Variants in MAB21L1 observed in about 807,000 individuals in gnomAD.
MAB21L1 encodes putative nucleotidyltransferase MAB21L1.
MAB21L1 carries 8 observed loss-of-function variants against 28.9 expected under a neutral mutation model. The observed-to-expected ratio is 0.28, with a 90% CI of 0.16 to 0.50. The LOEUF (loss-of-function observed/expected upper bound fraction) is 0.50. Among genes scored for constraint, MAB21L1 ranks in the 20% least tolerant of loss-of-function variants. The probability of loss-of-function intolerance (pLI) is 0.98; values close to 1 mark genes in which losing one functional copy is unlikely to be tolerated. For missense variants in MAB21L1, 388 were observed against 466.5 expected, an observed-to-expected ratio of 0.83 and a Z score of 1.55; for synonymous variants, 219 against 198.2, an observed-to-expected ratio of 1.10 and a Z score of -0.88.
chr13:35,475,940 C>T lies in MAB21L1; in HGVS notation c.199G>A (p.Glu67Lys). 1 of 1,614,146 alleles carries T rather than the reference C, an allele frequency of 6.2e-7. No homozygotes were observed. The highest frequency in any genetic ancestry group is 8.5e-7 in the Non-Finnish European group (1 of 1,180,040). The change falls in exon 1 of 1, where the codon GAG becomes AAG. Residue 67 changes from glutamate (E) to lysine (K), a missense_variant. Physicochemically the swap from Glu to Lys is moderately conservative, Grantham distance 56. Around this residue, in one of 3 missense-constraint regions of MAB21L1, gnomAD observed 89 missense variants for 92.2 expected, o/e 0.97. Transcript: ENST00000379919. ...NEMDNRYEGL[E>K]VISPTEFEVV... ...TCAAATTCGGTGGGGGAGATGACCT[C>T]GAGGCCCTCGTAGCGATTGTCCATC... is the stretch of plus-strand genomic sequence containing the variant.
At position 35,475,011 on chromosome 13, in the gene MAB21L1, A is replaced by G; in HGVS notation, c.*48T>C. 8.9e-6 allele frequency: 14 copies of G among 1,569,778 alleles called. No individual in the cohort carries two copies. Among genetic ancestry groups the G allele is most frequent in the Non-Finnish European group, 1.1e-5 (13 of 1,156,600 alleles). ...AATTGAACAGAAGTTTACACTTAAT[A>G]AGGACTTTGAGAAGGGTAATAATTT... On this transcript the variant is annotated 3_prime_UTR_variant, in exon 1 of 1. Coordinates refer to ENST00000379919, the MANE Select transcript of MAB21L1 (RefSeq NM_005584.5).
Position 35,475,202 on chromosome 13 carries a change from A to G in MAB21L1, c.937T>C (p.Cys313Arg). The G allele has an allele frequency of 6.2e-7, 1 of 1,614,068 alleles. No homozygotes were observed. Among genetic ancestry groups the G allele is most frequent in the Non-Finnish European group, 8.5e-7 (1 of 1,180,022 alleles). ...AGAAAGTAGTGGGGACACCGCCGGC[A>G]CTGCAGGCAGGAGATAAGTTGCAGC... ...ILLQLISCLQ[C>R]RRCPHYFLPN... Residue 313 changes from cysteine (C) to arginine (R), a missense_variant, in exon 1 of 1, where the codon TGC becomes CGC. This residue lies in a region of MAB21L1 where 218 missense variants were observed against 220.6 expected (regional missense o/e 0.99). Coordinates refer to ENST00000379919, the MANE Select transcript of MAB21L1 (RefSeq NM_005584.5).
rs1461011019 is a variant in MAB21L1 at position 35,476,303 on chromosome 13, CT to C, written c.-166del. The C allele has an allele frequency of 1.9e-6, 1 of 520,802 alleles. No individual in the cohort carries two copies. The highest frequency in any genetic ancestry group is 6.0e-5 in the East Asian group (1 of 16,548). The allele number at this position is 520,802 out of a possible 1,614,324, so 32.3% of individuals were successfully genotyped here. A position where few individuals can be genotyped will look rare whatever the true frequency, so the allele number is the denominator to read the frequency against. The stretch of plus-strand genomic sequence containing the variant: ...TGCTGCAGCGTTGGTTTCCCTGCTG[CT>C]GCTGCTGCTGCTGCTGCTGCTGCTG... On this transcript the variant is annotated 5_prime_UTR_variant, in exon 1 of 1. Coordinates refer to ENST00000379919, the MANE Select transcript of MAB21L1 (RefSeq NM_005584.5).
Position 35,475,052 on chromosome 13 carries a change from T to G in MAB21L1, c.*7A>C. On this transcript the variant is annotated 3_prime_UTR_variant, in exon 1 of 1. Coordinates refer to ENST00000379919, the MANE Select transcript of MAB21L1 (RefSeq NM_005584.5). Reference sequence around the variant, plus strand: ...GTAATAATTTCGGCTCTTGATTAAATCATCCTCTAAAGTTTTTCCAAACTT... The same window carrying G: ...GTAATAATTTCGGCTCTTGATTAAAGCATCCTCTAAAGTTTTTCCAAACTT... 6.2e-7 allele frequency: 1 copy of G among 1,608,034 alleles called. No individual in the cohort carries two copies. Among genetic ancestry groups the G allele is most frequent in the Non-Finnish European group, 8.5e-7 (1 of 1,176,266 alleles).
At position 35,476,318 on chromosome 13, in the gene MAB21L1, C is replaced by A. The variant is rs1454389469; in HGVS notation, c.-180G>T. 1.8e-6 allele frequency: 2 copies of A among 1,100,190 alleles called. No homozygotes were observed. Among genetic ancestry groups the A allele is most frequent in the African/African-American group, 3.8e-5 (2 of 52,402 alleles). 68.2% of individuals were successfully genotyped at this position (1,100,190 alleles called of 1,614,324 possible). Reference sequence around the variant, plus strand: ...TTCCCTGCTGCTGCTGCTGCTGCTGCTGCTGCTGCTGCTGCTGCTGCTGCT... The same window carrying A: ...TTCCCTGCTGCTGCTGCTGCTGCTGATGCTGCTGCTGCTGCTGCTGCTGCT... On this transcript the variant is annotated 5_prime_UTR_variant, in exon 1 of 1. Transcript: ENST00000379919.
Position 35,476,324 on chromosome 13 carries a change from C to CTGCTGCTGA in MAB21L1, c.-187_-186insTCAGCAGCA. ...GCTGCTGCTGCTGCTGCTGCTGCTG[C>CTGCTGCTGA]TGCTGCTGCTGCTGCTGCTGCTGCT... On this transcript the variant is annotated 5_prime_UTR_variant, in exon 1 of 1. Coordinates refer to ENST00000379919, the MANE Select transcript of MAB21L1 (RefSeq NM_005584.5). 8.6e-7 allele frequency: 1 copy of CTGCTGCTGA among 1,161,046 alleles called. No individual in the cohort carries two copies. The highest frequency in any genetic ancestry group is 1.4e-5 in the South Asian group (1 of 70,562). The allele number at this position is 1,161,046 out of a possible 1,614,324, so 71.9% of individuals were successfully genotyped here. A position where few individuals can be genotyped will look rare whatever the true frequency, so the allele number is the denominator to read the frequency against.
rs543754875 is a variant in MAB21L1 at position 35,473,835 on chromosome 13, G to A, written c.*1224C>T. Among the ~76,000 whole-genome samples the A allele has an allele frequency of 4.7e-4, 71 of 152,176 alleles. No individual in the cohort carries two copies. Among genetic ancestry groups the A allele is most frequent in the Admixed American group, 1.1e-3 (17 of 15,286 alleles). On this transcript the variant is annotated 3_prime_UTR_variant, in exon 1 of 1. Coordinates refer to ENST00000379919, the MANE Select transcript of MAB21L1 (RefSeq NM_005584.5). ...TTATTAGTTTTCATACATAATTTTC[G>A]AAGTTTCATTATGACTTTGTTAAGT...
chr13:35,474,926 T>G lies in MAB21L1; in HGVS notation c.*133A>C. On this transcript the variant is annotated 3_prime_UTR_variant, in exon 1 of 1. Transcript: ENST00000379919. ...GGGTGGGTGAGATGATGTTTAAATA[T>G]TGTATTATTATTCCTTTTTAAAGGA... 2 of 1,111,006 alleles carry G rather than the reference T, an allele frequency of 1.8e-6. No homozygotes were observed. Among genetic ancestry groups the G allele is most frequent in the Non-Finnish European group, 2.6e-6 (2 of 773,758 alleles). The allele number at this position is 1,111,006 out of a possible 1,614,324, so 68.8% of individuals were successfully genotyped here.
Position 35,476,217 on chromosome 13 carries a change from C to G in MAB21L1, c.-79G>C. 3.1e-6 allele frequency: 5 copies of G among 1,604,712 alleles called. No homozygotes were observed. The highest frequency in any genetic ancestry group is 4.3e-6 in the Non-Finnish European group (5 of 1,172,432). On this transcript the variant is annotated 5_prime_UTR_variant, in exon 1 of 1. Transcript: ENST00000379919. ...CCAATGCGGCTGCTAGAGCTGGAGCCAACTTCGGTGGAGAAACGGGCCGCA... is the reference window on the plus strand; with the variant it reads ...CCAATGCGGCTGCTAGAGCTGGAGCGAACTTCGGTGGAGAAACGGGCCGCA...
rs144407320 is a variant in MAB21L1, at chr13:35,475,858, A to T, written c.281T>A (p.Leu94Gln). The change falls in exon 1 of 1, where the codon CTG (leucine) becomes CAG (glutamine). Residue 94 changes from leucine to glutamine, a missense_variant. Transcript: ENST00000379919. The part of the protein sequence containing the change: ...GVFNFVDDGS[L>Q]PGCAVLKLSD... ...CAACTTCAGCACCGCGCAGCCGGGC[A>T]GTGAGCCATCGTCCACGAAGTTGAA... 1.2e-6 allele frequency: 2 copies of T among 1,614,108 alleles called. No homozygotes were observed. The highest frequency in any genetic ancestry group is 1.3e-5 in the African/African-American group (1 of 75,038).
chr13:35,475,674 G>A lies in MAB21L1; in HGVS notation c.465C>T (p.Thr155=), dbSNP rs772884089. ...CTCGGATTCTCAGTTTCACTTCGCT[G>A]GTGTCTGCCACCATCTTTACCACAT... ...YRDVVKMVAD[T]SEVKLRIRDR... The change falls in exon 1 of 1, where the codon ACC becomes ACT. Residue 155 remains threonine, a synonymous_variant. Coordinates refer to ENST00000379919, the MANE Select transcript of MAB21L1 (RefSeq NM_005584.5). 13 of 1,613,678 alleles carry A rather than the reference G, an allele frequency of 8.1e-6. No individual in the cohort carries two copies. The South Asian group carries it at 1.4e-4, about 18-fold the overall frequency.
chr13:35,476,224 G>T lies in MAB21L1; in HGVS notation c.-86C>A, dbSNP rs2075858074. Reference sequence around the variant, plus strand: ...GGCTGCTAGAGCTGGAGCCAACTTCGGTGGAGAAACGGGCCGCAACACTCA... The same window carrying T: ...GGCTGCTAGAGCTGGAGCCAACTTCTGTGGAGAAACGGGCCGCAACACTCA... On this transcript the variant is annotated 5_prime_UTR_variant, in exon 1 of 1. Transcript: ENST00000379919. The T allele has an allele frequency of 6.9e-6, 11 of 1,598,710 alleles. 1 individual carries two copies. The South Asian group carries it at 7.7e-5, about 11-fold the overall frequency.
chr13:35,475,554 C>A lies in MAB21L1; in HGVS notation c.585G>T (p.Pro195=). ...TGACCTCCGCCACCCGGTTGGGTCCCGGCCAGGGGATGTGGGGAAGTGGCC... is the reference window on the plus strand; with the variant it reads ...TGACCTCCGCCACCCGGTTGGGTCCAGGCCAGGGGATGTGGGGAAGTGGCC... The part of the protein sequence containing the change: ...AHWPLPHIPW[P]GPNRVAEVKA... Residue 195 remains proline (P), a synonymous_variant, in exon 1 of 1, where the codon CCG becomes CCT. Transcript: ENST00000379919. 1 of 1,613,322 alleles carries A rather than the reference C, an allele frequency of 6.2e-7. No individual in the cohort carries two copies. Among genetic ancestry groups the A allele is most frequent in the Non-Finnish European group, 8.5e-7 (1 of 1,179,932 alleles).
Position 35,475,203 on chromosome 13 carries a change from C to T in MAB21L1, c.936G>A (p.Gln312=). ...GAAAGTAGTGGGGACACCGCCGGCA[C>T]TGCAGGCAGGAGATAAGTTGCAGCA... is the stretch of plus-strand genomic sequence containing the variant. The part of the protein sequence containing the change: ...GILLQLISCL[Q]CRRCPHYFLP... Residue 312 remains glutamine, a synonymous_variant, in exon 1 of 1, where the codon CAG becomes CAA. Coordinates refer to ENST00000379919, the MANE Select transcript of MAB21L1 (RefSeq NM_005584.5). The T allele has an allele frequency of 1.4e-5, 23 of 1,614,042 alleles. No individual in the cohort carries two copies. Among genetic ancestry groups the T allele is most frequent in the Non-Finnish European group, 1.9e-5 (23 of 1,180,038 alleles).
chr13:35,475,065 T>G lies in MAB21L1; in HGVS notation c.1074A>C (p.Lys358Asn), dbSNP rs747928120. ...EILTNPKSLE[K>N]L ...CTCTTGATTAAATCATCCTCTAAAGTTTTTCCAAACTTTTCGGGTTGGTCA... is the reference window on the plus strand; with the variant it reads ...CTCTTGATTAAATCATCCTCTAAAGGTTTTCCAAACTTTTCGGGTTGGTCA... Residue 358 changes from lysine to asparagine, a missense_variant, in exon 1 of 1, where the codon AAA becomes AAC. Lys to Asn is a moderately conservative substitution (Grantham distance 94). Coordinates refer to ENST00000379919, the MANE Select transcript of MAB21L1 (RefSeq NM_005584.5). 6.2e-7 allele frequency: 1 copy of G among 1,611,144 alleles called. No individual in the cohort carries two copies. Among genetic ancestry groups the G allele is most frequent in the Non-Finnish European group, 8.5e-7 (1 of 1,178,258 alleles).
chr13:35,476,509 T>C lies in MAB21L1; in HGVS notation c.-371A>G, dbSNP rs749391127. ...CAGGAATAAAAAACAAAAGTTGCGC[T>C]GAGACCCAGCAAAGCTCTTCCAGTA... On this transcript the variant is annotated 5_prime_UTR_variant, in exon 1 of 1. Transcript: ENST00000379919. 9.1e-6 allele frequency: 6 copies of C among 660,740 alleles called. No individual in the cohort carries two copies. The highest frequency in any genetic ancestry group is 7.9e-5 in the Admixed American group (3 of 37,962). The allele number at this position is 660,740 out of a possible 1,614,324, so 40.9% of individuals were successfully genotyped here.
chr13:35,475,272 C>G lies in MAB21L1; in HGVS notation c.867G>C (p.Ser289=), dbSNP rs1172313427. ...CACCCAGGCAAGACTCGTCCCAGTC[C>G]GACTCTCGGGGATGCTTTTCACACT... ...SYECEKHPRE[S]DWDESCLGDR... Residue 289 remains serine (S), a synonymous_variant, in exon 1 of 1, where the codon TCG becomes TCC. Coordinates refer to ENST00000379919, the MANE Select transcript of MAB21L1 (RefSeq NM_005584.5). 6.2e-7 allele frequency: 1 copy of G among 1,613,964 alleles called. No individual in the cohort carries two copies. The highest frequency in any genetic ancestry group is 2.2e-5 in the East Asian group (1 of 44,850).
rs1440966768 is a variant in MAB21L1, at chr13:35,475,196, G to A, written c.943C>T (p.Arg315Trp). ...LQLISCLQCR[R>W]CPHYFLPNLD... ...TTCGGTAGAAAGTAGTGGGGACACC[G>A]CCGGCACTGCAGGCAGGAGATAAGT... is the stretch of plus-strand genomic sequence containing the variant. The change falls in exon 1 of 1, where the codon CGG (arginine) becomes TGG (tryptophan). Residue 315 changes from arginine (R) to tryptophan (W), a missense_variant. Around this residue, in one of 3 missense-constraint regions of MAB21L1, gnomAD observed 218 missense variants for 220.6 expected, o/e 0.99. Transcript: ENST00000379919. The A allele has an allele frequency of 6.2e-7, 1 of 1,613,896 alleles. No individual in the cohort carries two copies. The highest frequency in any genetic ancestry group is 8.5e-7 in the Non-Finnish European group (1 of 1,180,020).
chr13:35,474,836 T>C lies in MAB21L1; in HGVS notation c.*223A>G. On this transcript the variant is annotated 3_prime_UTR_variant, in exon 1 of 1. Transcript: ENST00000379919. ...AGATAGGAAATCGTGTGGAAAGAAG[T>C]CTTCTAATACTAGTGGCTTTGGGTT... 2 of 530,744 alleles carry C rather than the reference T, an allele frequency of 3.8e-6. No homozygotes were observed. Among genetic ancestry groups the C allele is most frequent in the East Asian group, 3.2e-5 (1 of 30,956 alleles). The allele number at this position is 530,744 out of a possible 1,614,324, so 32.9% of individuals were successfully genotyped here. A position where few individuals can be genotyped will look rare whatever the true frequency, so the allele number is the denominator to read the frequency against.
Sources: gnomAD v4.1 joint callset for allele counts (sites outside exome capture counted in the v4.1 genomes callset) on GRCh38, gnomAD v4.1.1 for gene constraint, gnomAD v4.1.1 regional missense constraint, MANE v1.5 for transcripts, NCBI Gene and HGNC (gene_info 2026-07-23, HGNC 2026-07-21) for gene names.